The following MTHFD1L variants were observed in gnomAD, a reference collection of about 807,000 sequenced individuals.
The protein encoded by MTHFD1L is monofunctional C1-tetrahydrofolate synthase, mitochondrial.
MTHFD1L carries 81 observed loss-of-function variants against 119.5 expected under a neutral mutation model. That is an observed-to-expected ratio of 0.68 (90% CI 0.57 to 0.82). The LOEUF is 0.82. Ranked by LOEUF, MTHFD1L falls within the 40% of genes least tolerant of loss-of-function variation. The pLI is 0.00. For synonymous variants in MTHFD1L, 430 were observed against 475.2 expected (o/e 0.90, Z 1.24); for missense variants, 1,125 against 1,253.4 (o/e 0.90, Z 1.55).
chr6:150,976,256 G>T (rs755631088), intron 20 of MTHFD1L, among the ~76,000 whole-genome samples: 10 of 152,162 alleles, frequency 6.6e-5, no homozygotes, highest in Non-Finnish European at 8.8e-5. Flanking sequence ...GGAGCTGGGA[G>T]GGGAGCTGGA....
intron 18 of MTHFD1L, among the ~76,000 whole-genome samples, chr6:150,961,111 T>C (rs1003117613): frequency 1.2e-4 from 16 of 130,214 alleles, no homozygotes; most frequent in African/African-American, 2.8e-4. Context: ...TTTTTTTTTT[T>C]CTGAGACAGT....
rs748057973 is a variant in MTHFD1L, at chr6:150,960,247, A to AC, written c.1804-26dup. 3 of 1,593,380 alleles carry AC rather than the reference A, an allele frequency of 1.9e-6. No homozygotes were observed. The African/African-American group carries it at 4.0e-5, about 21-fold the overall frequency. On this transcript the variant is annotated intron_variant, in intron 17 of 27. Transcript: ENST00000367321. ...GGCCATCCCACTGGCACTGTCGCTG[A>AC]CCACTACCTGTGTTTGGGCTGGTTC...
At chr6:150,899,012 T>C in intron 7 of MTHFD1L, 1 of 1,006,884 alleles carries the variant, frequency 9.9e-7, no homozygotes, top group Admixed American at 5.7e-5. Context: ...GGTGCTGCAT[T>C]TTTCCTTTTA....
intron 1 of MTHFD1L, chr6:150,866,335 G>A (rs914055347): frequency 1.0e-5 from 15 of 1,450,156 alleles, no homozygotes; most frequent in African/African-American, 1.5e-5. Flanking sequence ...CCGGCTCCAC[G>A]TGCGCAGCCG....
rs764357783 is a variant in MTHFD1L at position 150,964,960 on chromosome 6, C to G, written c.1945-9C>G. ...TGTCAGGAATCTAATGTTTTTCTCT[C>G]TCCTGTAGGGGGTGACAGGTGCTTT... On this transcript the variant is annotated splice_polypyrimidine_tract_variant and intron_variant, in intron 18 of 27. Transcript: ENST00000367321. 1.9e-6 allele frequency: 3 copies of G among 1,613,276 alleles called. No individual in the cohort carries two copies. The highest frequency in any genetic ancestry group is 2.5e-6 in the Non-Finnish European group (3 of 1,179,324).
At chr6:151,011,936 G>A (rs1287765950) in intron 21 of MTHFD1L, among the ~76,000 whole-genome samples, 1 of 147,176 alleles carries the variant, frequency 6.8e-6, no homozygotes, top group Admixed American at 7.0e-5. Flanking sequence ...GGGAGGCAGA[G>A]GTTGCAGTGA....
rs1290107075 is a variant in MTHFD1L at position 150,926,089 on chromosome 6, C to G, written c.1083-33C>G. The G allele has an allele frequency of 6.3e-7, 1 of 1,588,206 alleles. No homozygotes were observed. The highest frequency in any genetic ancestry group is 1.3e-5 in the African/African-American group (1 of 74,164). On this transcript the variant is annotated intron_variant, in intron 10 of 27. Transcript: ENST00000367321. The surrounding 1 kb of genome is among the most constrained non-coding windows in gnomAD (Gnocchi z 4.3). ...GTTGTGACCACCTAAGCTGAGAAGCCTTTTCTCTCTTTCGTATTGTCTTTC... is the reference window on the plus strand; with the variant it reads ...GTTGTGACCACCTAAGCTGAGAAGCGTTTTCTCTCTTTCGTATTGTCTTTC...
At chr6:150,882,732 T>A in intron 4 of MTHFD1L, 30 bp from the exon 5 acceptor site, 2 of 1,417,028 alleles carry the variant, frequency 1.4e-6, no homozygotes, top group Non-Finnish European at 1.9e-6. Flanking sequence ...CAAAACTAAT[T>A]TTTATTTTGT....
intron 26 of MTHFD1L, among the ~76,000 whole-genome samples, chr6:151,090,198 A>G (rs376022634): frequency 9.2e-5 from 14 of 152,294 alleles, no homozygotes; most frequent in Middle Eastern, 3.4e-3. Flanking sequence ...CTGCAGGTGC[A>G]CAGATTTACT....
intron 26 of MTHFD1L, chr6:151,057,119 T>C: frequency 1.2e-6 from 1 of 810,140 alleles, no homozygotes; most frequent in Non-Finnish European, 1.5e-6. Context: ...AGTTCAGCTC[T>C]GGTAATTGTA....
At chr6:151,014,277 A>G (rs1782695556) in intron 22 of MTHFD1L, among the ~76,000 whole-genome samples, 1 of 152,202 alleles carries the variant, frequency 6.6e-6, no homozygotes, top group Non-Finnish European at 1.5e-5. Flanking sequence ...GATAAAATTC[A>G]TTCAGTTAAC....
chr6:150,980,962 T>C (rs1158974486), intron 20 of MTHFD1L, among the ~76,000 whole-genome samples: 1 of 152,084 alleles, frequency 6.6e-6, no homozygotes, highest in African/African-American at 2.4e-5. Flanking sequence ...GCAATTTTTT[T>C]CATGGTACCG....
intron 14 of MTHFD1L, among the ~76,000 whole-genome samples, chr6:150,944,921 G>A (rs113201235): frequency 0.013 from 1,985 of 152,314 alleles, 15 homozygotes; most frequent in Middle Eastern, 0.017. Flanking sequence ...TCTCTGATCT[G>A]TTCTAAGGGG....
At position 151,046,469 on chromosome 6, in the gene MTHFD1L, GTGTATATATATATATATATATA is replaced by G. The variant is rs1408294258; in HGVS notation, c.2847+9354_2847+9375del. Among the ~76,000 whole-genome samples, 342 of 116,854 alleles carry G rather than the reference GTGTATATATATATATATATATA, an allele frequency of 2.9e-3. 2 individuals are homozygous for G. Among genetic ancestry groups the G allele is most frequent in the African/African-American group, 9.0e-3 (255 of 28,484 alleles). The allele number at this position is 116,854 out of a possible 152,430, so 76.7% of individuals were successfully genotyped here. On this transcript the variant is annotated intron_variant, in intron 26 of 27. Coordinates refer to ENST00000367321, the MANE Select transcript of MTHFD1L (RefSeq NM_015440.5). ...ATATATATATATATAATATGTGTGT[GTGTATATATATATATATATATA>G]TATATATATATATATATATATATAG...
At chr6:151,063,620 AT>A (rs1444666714) in intron 26 of MTHFD1L, among the ~76,000 whole-genome samples, 1 of 152,204 alleles carries the variant, frequency 6.6e-6, no homozygotes, top group African/African-American at 2.4e-5. Flanking sequence ...ATTTTATGCT[AT>A]TAGCCTAGCA....
chr6:151,060,999 C>T lies in MTHFD1L; in HGVS notation c.2847+23882C>T, dbSNP rs181860816. ...AGGGGATGGGAATGAGAGCAATTAC[C>T]GAACTAGAATGAACTAAACTCAATG... On this transcript the variant is annotated intron_variant, in intron 26 of 27. Transcript: ENST00000367321. 2.2e-3 allele frequency among the ~76,000 whole-genome samples: 340 copies of T among 152,156 alleles called. 4 individuals carry two copies. Among genetic ancestry groups the T allele is most frequent in the African/African-American group, 7.6e-3 (314 of 41,500 alleles).
chr6:150,945,632 G>A, intron 15 of MTHFD1L, 91 bp downstream of exon 15: 1 of 1,320,234 alleles, frequency 7.6e-7, no homozygotes, highest in Non-Finnish European at 1.1e-6. Context: ...AACTTGGTTT[G>A]ATTTTGGTTT....
intron 1 of MTHFD1L, among the ~76,000 whole-genome samples, chr6:150,868,133 C>G (rs571189970): frequency 3.7e-4 from 56 of 152,166 alleles, no homozygotes; most frequent in African/African-American, 1.3e-3. Flanking sequence ...AAAGCCATGA[C>G]TGCCTTAGAG....
In MTHFD1L at chr6:150,865,757, G is replaced by T; in HGVS notation, c.-66G>T. 1 of 1,195,242 alleles carries T rather than the reference G, an allele frequency of 8.4e-7. No homozygotes were observed. Among genetic ancestry groups the T allele is most frequent in the Non-Finnish European group, 1.0e-6 (1 of 961,076 alleles). 74.0% of individuals were successfully genotyped at this position (1,195,242 alleles called of 1,614,324 possible). Reference sequence around the variant, plus strand: ...CGCCGCCGCCGCCGCCTGCTCCCCTGGCACGCGCCCCGCCGCCCTCGGCAG... The same window carrying T: ...CGCCGCCGCCGCCGCCTGCTCCCCTTGCACGCGCCCCGCCGCCCTCGGCAG... On this transcript the variant is annotated 5_prime_UTR_variant, in exon 1 of 28. Transcript: ENST00000367321.
Sources: gnomAD v4.1 joint callset for allele counts (sites outside exome capture counted in the v4.1 genomes callset) on GRCh38, gnomAD v4.1.1 for gene constraint, Gnocchi (gnomAD v3.1) non-coding constraint, MANE v1.5 for transcripts, NCBI Gene and HGNC (gene_info 2026-07-23, HGNC 2026-07-21) for gene names.